ZDHHC11B: variants seen among roughly 807,000 people sequenced by gnomAD.
The protein encoded by ZDHHC11B is probable palmitoyltransferase ZDHHC11B.
A neutral mutation model predicts 42.3 loss-of-function variants in ZDHHC11B; 17 were observed. The ratio of observed to expected loss-of-function variants is 0.40; its 90% CI spans 0.27 to 0.60. The LOEUF is 0.60. ZDHHC11B is among the 20% of genes least tolerant of loss of function. ZDHHC11B has a pLI of 0.41. For synonymous variants in ZDHHC11B, 123 were observed against 193.5 expected (o/e 0.64, Z 3.02); for missense variants, 262 against 463.2 (o/e 0.57, Z 3.99).
chr5:722,385 T>C (rs1742256132), intron 12 of ZDHHC11B, among the ~76,000 whole-genome samples: 1 of 151,464 alleles, frequency 6.6e-6, no homozygotes, highest in South Asian at 2.1e-4. Context: ...AGTGGAAAAA[T>C]GGACTAGGGA....
At chr5:756,961 G>A (rs1190589415) in intron 4 of ZDHHC11B, among the ~76,000 whole-genome samples, 3 of 151,734 alleles carry the variant, frequency 2.0e-5, no homozygotes, top group African/African-American at 7.3e-5. Context: ...TGGGCCCTCT[G>A]GGCTCGGAGC....
chr5:777,215 G>A (rs1248003023), intron 1 of ZDHHC11B, among the ~76,000 whole-genome samples: 6 of 151,820 alleles, frequency 4.0e-5, no homozygotes, highest in South Asian at 2.1e-4. Context: ...GTGAAGCCGC[G>A]GACTCTCGCA....
intron 1 of ZDHHC11B, among the ~76,000 whole-genome samples, chr5:769,297 A>G (rs2150228289): frequency 7.3e-6 from 1 of 136,106 alleles, no homozygotes; most frequent in African/African-American, 2.6e-5. Context: ...CGTGCATCTG[A>G]CAGCATGTCT....
chr5:771,710 G>A (rs1736066764), intron 1 of ZDHHC11B, among the ~76,000 whole-genome samples: 1 of 151,692 alleles, frequency 6.6e-6, no homozygotes, highest in South Asian at 2.1e-4. Context: ...ATTACCAGAA[G>A]CAATGGTGGG....
Position 759,646 on chromosome 5 carries a change from G to C in ZDHHC11B, c.223-3502C>G, listed in dbSNP as rs1734327834. 3.3e-5 allele frequency among the ~76,000 whole-genome samples: 5 copies of C among 151,946 alleles called. No individual in the cohort carries two copies. In the South Asian group the frequency reaches 1.0e-3, roughly 32 times the overall value. On this transcript the variant is annotated intron_variant, in intron 4 of 13. Coordinates refer to ENST00000508859, the MANE Select transcript of ZDHHC11B (RefSeq NM_001351303.2). ...CAGACGCGGGCACGCGGGCACTGAG[G>C]CATGCTCTGGAAGGGCCCATACACG...
intron 6 of ZDHHC11B, among the ~76,000 whole-genome samples, chr5:753,125 T>C (rs1316290489): frequency 3.1e-5 from 4 of 129,830 alleles, no homozygotes; most frequent in African/African-American, 9.9e-5. Flanking sequence ...CCTGCCTTCT[T>C]TCCGTCCCCC....
intron 1 of ZDHHC11B, among the ~76,000 whole-genome samples, chr5:778,643 A>G (rs1438451012): frequency 3.3e-5 from 5 of 152,132 alleles, no homozygotes; most frequent in Non-Finnish European, 5.9e-5. Flanking sequence ...GCTCTGGGCC[A>G]ATGGTGGCCC....
intron 4 of ZDHHC11B, among the ~76,000 whole-genome samples, chr5:756,737 G>A (rs1733908481): frequency 6.6e-6 from 1 of 151,660 alleles, no homozygotes; most frequent in African/African-American, 2.4e-5. Flanking sequence ...TGGGAGAGAA[G>A]ACAGCCTCAG....
chr5:772,496 C>T (rs1358705006), intron 1 of ZDHHC11B, among the ~76,000 whole-genome samples: 1 of 151,926 alleles, frequency 6.6e-6, no homozygotes, highest in East Asian at 1.9e-4. Context: ...GGGAGCAAGG[C>T]CACCTGCAGT....
chr5:713,174 C>G (rs1289134274), intron 13 of ZDHHC11B, among the ~76,000 whole-genome samples: 1 of 151,626 alleles, frequency 6.6e-6, no homozygotes, highest in Non-Finnish European at 1.5e-5. Flanking sequence ...ATTTTTTTCA[C>G]ATTTTGCATT....
chr5:765,654 C>T (rs1735195819), intron 4 of ZDHHC11B, among the ~76,000 whole-genome samples: 2 of 151,864 alleles, frequency 1.3e-5, no homozygotes, highest in Admixed American at 6.6e-5. Context: ...CTTTGCAATA[C>T]ATCTTGCTGC....
At chr5:762,915 T>C (rs1035506671) in intron 4 of ZDHHC11B, among the ~76,000 whole-genome samples, 3 of 151,362 alleles carry the variant, frequency 2.0e-5, no homozygotes, top group Non-Finnish European at 4.4e-5. Context: ...CCAGGAAGAC[T>C]GATGAAGAAG....
In ZDHHC11B at chr5:730,451, C is replaced by T. The variant is rs758234413; in HGVS notation, c.1041G>A (p.Pro347=). Residue 347 remains proline, a synonymous_variant, in exon 12 of 14, where the codon CCG becomes CCA. Coordinates refer to ENST00000508859, the MANE Select transcript of ZDHHC11B (RefSeq NM_001351303.2). ...DSKAQEADDA[P]STSTLGLQQE... ...GAACTTACCCAAGTGTAGATGTACT[C>T]GGGGCATCATCTGCTTCCTGTGGGG... 14 of 1,567,988 alleles carry T rather than the reference C, an allele frequency of 8.9e-6. No individual in the cohort carries two copies. Among genetic ancestry groups the T allele is most frequent in the South Asian group, 6.1e-5 (5 of 81,664 alleles).
At chr5:713,610 C>CT (rs1741527228) in intron 13 of ZDHHC11B, among the ~76,000 whole-genome samples, 1 of 149,910 alleles carries the variant, frequency 6.7e-6, no homozygotes, top group African/African-American at 2.5e-5. Context: ...ATGCTTGGCT[C>CT]CTGGGAATGA....
rs1561104164 is a variant in ZDHHC11B, at chr5:710,620, GGCTCCCATTTCCCAGTACTGT to G, written c.*1649_*1669del. ...TGTGTGCTCCCATTTCTCAGTACTGGGCTCCCATTTCCCAGTACTGTGCTCCCATTTCTCAGTACTGTGCTC... is the reference window on the plus strand; with the variant it reads ...TGTGTGCTCCCATTTCTCAGTACTGGGCTCCCATTTCTCAGTACTGTGCTC... On this transcript the variant is annotated 3_prime_UTR_variant, in exon 14 of 14. Transcript: ENST00000508859. 1 of 33,818 alleles carries G rather than the reference GGCTCCCATTTCCCAGTACTGT, an allele frequency of 3.0e-5. No individual in the cohort carries two copies. Among genetic ancestry groups the G allele is most frequent in the East Asian group, 8.9e-4 (1 of 1,126 alleles). 2.1% of individuals were successfully genotyped at this position (33,818 alleles called of 1,614,324 possible). A position where few individuals can be genotyped will look rare whatever the true frequency, so the allele number is the denominator to read the frequency against.
intron 12 of ZDHHC11B, among the ~76,000 whole-genome samples, chr5:717,695 A>G (rs375664651): frequency 1.3e-5 from 2 of 151,838 alleles, no homozygotes; most frequent in African/African-American, 4.9e-5. Flanking sequence ...TGGATCAGAA[A>G]TGATGACTCC....
At chr5:757,585 A>T (rs1734038470) in intron 4 of ZDHHC11B, among the ~76,000 whole-genome samples, 7 of 151,894 alleles carry the variant, frequency 4.6e-5, no homozygotes. Context: ...GCTGCAATGC[A>T]TGGGAAGCCT....
At chr5:731,794 G>A (rs1743036436) in intron 11 of ZDHHC11B, among the ~76,000 whole-genome samples, 1 of 151,818 alleles carries the variant, frequency 6.6e-6, no homozygotes, top group South Asian at 2.1e-4. Flanking sequence ...AGATATTCTA[G>A]GATTTTTGTA....
chr5:726,388 CA>C (rs1188852354), intron 12 of ZDHHC11B, among the ~76,000 whole-genome samples: 15 of 148,248 alleles, frequency 1.0e-4, no homozygotes, highest in Non-Finnish European at 1.6e-4. Context: ...TATTCTGTGA[CA>C]AAAAAAGGGT....
Sources: gnomAD v4.1 joint callset for allele counts (sites outside exome capture counted in the v4.1 genomes callset) on GRCh38, gnomAD v4.1.1 for gene constraint, MANE v1.5 for transcripts, NCBI Gene and HGNC (gene_info 2026-07-23, HGNC 2026-07-21) for gene names.